The following ATP8B4 variants were observed in gnomAD, a reference collection of about 807,000 sequenced individuals.
ATP8B4 encodes the protein probable phospholipid-transporting ATPase IM.
Under a neutral mutation model 145.6 loss-of-function variants are expected in ATP8B4, and 133 were observed. That is an observed-to-expected ratio of 0.91 (90% CI 0.79 to 1.05). The LOEUF is 1.05. Among genes scored for constraint, ATP8B4 ranks in the 50% least tolerant of loss-of-function variants. The pLI is 0.00. For missense variants in ATP8B4, 1,458 were observed against 1,425.2 expected (o/e 1.02, Z -0.37); for synonymous variants, 507 against 492.9 (o/e 1.03, Z -0.38).
intron 1 of ATP8B4, among the ~76,000 whole-genome samples, chr15:50,156,015 T>C (rs946321512): frequency 7.5e-5 from 10 of 133,126 alleles, no homozygotes; most frequent in Non-Finnish European, 1.7e-4. Flanking sequence ...CTGACTGGTA[T>C]AAAAAAAAAA....
At chr15:49,948,336 C>A (rs1288274491) in intron 14 of ATP8B4, among the ~76,000 whole-genome samples, 1 of 151,228 alleles carries the variant, frequency 6.6e-6, no homozygotes, top group Non-Finnish European at 1.5e-5. Flanking sequence ...GTAGTCCCAG[C>A]TACTTGGGAG....
At chr15:49,933,962 T>C in intron 15 of ATP8B4, 55 bp downstream of exon 15, 1 of 1,456,538 alleles carries the variant, frequency 6.9e-7, no homozygotes, top group Non-Finnish European at 9.1e-7. Flanking sequence ...AGTGTCAGTT[T>C]CAATTTTAAA....
intron 1 of ATP8B4, among the ~76,000 whole-genome samples, chr15:50,156,039 T>C (rs1442908824): frequency 5.8e-5 from 8 of 138,602 alleles, no homozygotes; most frequent in African/African-American, 2.1e-4. Context: ...AATCTCCTAA[T>C]AGCCCTGAAT....
intron 14 of ATP8B4, among the ~76,000 whole-genome samples, chr15:49,942,331 C>G (rs369005575): frequency 2.1e-4 from 32 of 151,816 alleles, no homozygotes; most frequent in East Asian, 7.8e-4. Context: ...AAACTGTGAC[C>G]AAACATTTCC....
intron 20 of ATP8B4, among the ~76,000 whole-genome samples, chr15:49,912,961 C>G (rs2039379455): frequency 6.6e-6 from 1 of 151,902 alleles, no homozygotes; most frequent in Non-Finnish European, 1.5e-5. Flanking sequence ...AACTCTCTCT[C>G]TACAAAAAAT....
intron 1 of ATP8B4, among the ~76,000 whole-genome samples, chr15:50,126,635 T>G (rs1293411453): frequency 1.3e-5 from 2 of 152,228 alleles, no homozygotes; most frequent in Non-Finnish European, 2.9e-5. Flanking sequence ...ACTTATCAAG[T>G]TGCTCATTTA....
At chr15:50,133,272 A>T (rs1254583711) in intron 1 of ATP8B4, among the ~76,000 whole-genome samples, 1 of 152,184 alleles carries the variant, frequency 6.6e-6, no homozygotes, top group Non-Finnish European at 1.5e-5. Flanking sequence ...TCTCACTTAC[A>T]TGTGAAATCT....
At chr15:49,970,087 A>C (rs989024218) in intron 13 of ATP8B4, among the ~76,000 whole-genome samples, 1 of 152,098 alleles carries the variant, frequency 6.6e-6, no homozygotes, top group African/African-American at 2.4e-5. Context: ...CATGCTAAAA[A>C]CTCTCAATAA....
At chr15:49,992,578 T>C (rs1394155903) in intron 9 of ATP8B4, among the ~76,000 whole-genome samples, 2 of 152,182 alleles carry the variant, frequency 1.3e-5, no homozygotes, top group African/African-American at 2.4e-5. Context: ...TCTGACCCTA[T>C]GTGTCCGAAA....
intron 13 of ATP8B4, among the ~76,000 whole-genome samples, chr15:49,970,873 A>T (rs1448844707): frequency 6.6e-6 from 1 of 152,206 alleles, no homozygotes; most frequent in Non-Finnish European, 1.5e-5. Context: ...TTCAAACTAT[A>T]CTACAAGGCT....
chr15:50,027,161 C>T (rs867663171), intron 6 of ATP8B4, among the ~76,000 whole-genome samples: 36 of 152,166 alleles, frequency 2.4e-4, no homozygotes, highest in African/African-American at 8.4e-4. Context: ...GCCATCCCTA[C>T]CCCATATGTG....
At chr15:49,892,571 T>C (rs566048706) in intron 23 of ATP8B4, among the ~76,000 whole-genome samples, 5 of 152,232 alleles carry the variant, frequency 3.3e-5, no homozygotes, top group African/African-American at 1.2e-4. Flanking sequence ...CTGGGATAAA[T>C]AGTGAGGCAA....
chr15:49,900,552 T>C (rs989386168), intron 21 of ATP8B4, among the ~76,000 whole-genome samples: 1 of 152,194 alleles, frequency 6.6e-6, no homozygotes, highest in African/African-American at 2.4e-5. Flanking sequence ...ACAATGCAAG[T>C]TCATTCTATT....
At chr15:50,080,592 C>A (rs1329009271) in intron 2 of ATP8B4, among the ~76,000 whole-genome samples, 3 of 151,704 alleles carry the variant, frequency 2.0e-5, no homozygotes, top group African/African-American at 7.3e-5. Flanking sequence ...TACTATCTTG[C>A]TAGAATTTTT....
At chr15:50,124,548 T>C (rs1341400106) in intron 1 of ATP8B4, among the ~76,000 whole-genome samples, 1 of 152,122 alleles carries the variant, frequency 6.6e-6, no homozygotes, top group African/African-American at 2.4e-5. Flanking sequence ...ATTTCAGGAA[T>C]TAAACTTAAA....
intron 1 of ATP8B4, among the ~76,000 whole-genome samples, chr15:50,118,708 C>T (rs758582325): frequency 2.0e-5 from 3 of 152,100 alleles, no homozygotes; most frequent in Non-Finnish European, 2.9e-5. Context: ...CTGTTCATGT[C>T]TAAAGCATAA....
At chr15:49,987,323 C>T in intron 10 of ATP8B4, 68 bp downstream of exon 10, 1 of 1,536,270 alleles carries the variant, frequency 6.5e-7, no homozygotes, top group Non-Finnish European at 8.9e-7. Flanking sequence ...CACAGAGAAT[C>T]ATAGACTGTG....
At position 50,118,577 on chromosome 15, in the gene ATP8B4, G is replaced by A. The variant is rs150429727; in HGVS notation, c.-43+546C>T. 1.1e-4 allele frequency among the ~76,000 whole-genome samples: 16 copies of A among 152,218 alleles called. No homozygotes were observed. In the East Asian group the frequency reaches 2.9e-3, roughly 28 times the overall value. On this transcript the variant is annotated intron_variant, in intron 1 of 27. Transcript: ENST00000284509. ...CTTCAAAACAGCTAATTGTTAACCAGGGACCTGAGACACTCTCTTGCCTAT... is the reference window on the plus strand; with the variant it reads ...CTTCAAAACAGCTAATTGTTAACCAAGGACCTGAGACACTCTCTTGCCTAT...
chr15:49,966,244 T>C (rs7181362), intron 13 of ATP8B4, among the ~76,000 whole-genome samples: 2 of 152,040 alleles, frequency 1.3e-5, no homozygotes, highest in Non-Finnish European at 2.9e-5. Flanking sequence ...CATACCCCAG[T>C]GGCACCTGGA....
Sources: allele counts gnomAD v4.1 joint callset (sites outside exome capture counted in the v4.1 genomes callset), GRCh38; gene constraint gnomAD v4.1.1; transcripts MANE v1.5; gene names NCBI Gene and HGNC (gene_info 2026-07-23, HGNC 2026-07-21).